Variants in CTNNA3 observed in about 807,000 individuals in gnomAD.
The protein encoded by CTNNA3 is catenin alpha 3.
CTNNA3 carries 76 observed loss-of-function variants against 95.7 expected under a neutral mutation model. The observed-to-expected ratio is 0.79, with a 90% CI of 0.66 to 0.96. CTNNA3 has a LOEUF of 0.96. Ranked by LOEUF, CTNNA3 falls within the 40% of genes least tolerant of loss-of-function variation. The probability of loss-of-function intolerance (pLI) is 0.00; values close to 1 mark genes in which losing one functional copy is unlikely to be tolerated. For synonymous variants in CTNNA3, 431 were observed against 374.4 expected, an observed-to-expected ratio of 1.15 and a Z score of -1.74; for missense variants, 1,191 against 1,089.8, an observed-to-expected ratio of 1.09 and a Z score of -1.31.
chr10:67,109,632 C>G (rs911171687), intron 7 of CTNNA3, among the ~76,000 whole-genome samples: 5 of 151,886 alleles, frequency 3.3e-5, no homozygotes, highest in African/African-American at 1.2e-4. Context: ...ATCACGAGAT[C>G]AAGAGATCTA....
chr10:66,619,576 G>C (rs551656727), intron 10 of CTNNA3, among the ~76,000 whole-genome samples: 4 of 81,674 alleles, frequency 4.9e-5, no homozygotes, highest in Non-Finnish European at 2.3e-5. Flanking sequence ...GTGGGGGGAG[G>C]GGGGAGGGAT....
intron 3 of CTNNA3, among the ~76,000 whole-genome samples, chr10:67,576,009 G>C (rs1842130970): frequency 6.6e-6 from 1 of 152,184 alleles, no homozygotes; most frequent in African/African-American, 2.4e-5. Flanking sequence ...ATGGTAAATA[G>C]TTCACCTGAA....
intron 3 of CTNNA3, among the ~76,000 whole-genome samples, chr10:67,586,310 A>C (rs889934379): frequency 6.6e-6 from 1 of 152,048 alleles, no homozygotes; most frequent in Non-Finnish European, 1.5e-5. Flanking sequence ...TGTTGGGTAG[A>C]GTGTTCTGTA....
chr10:66,694,447 C>T (rs549020836), intron 9 of CTNNA3, among the ~76,000 whole-genome samples: 73 of 152,216 alleles, frequency 4.8e-4, no homozygotes, highest in African/African-American at 1.6e-3. Context: ...CAATAACAGG[C>T]TCTGAAATTG....
chr10:66,402,957 C>A (rs544064805), intron 11 of CTNNA3, among the ~76,000 whole-genome samples: 2 of 152,030 alleles, frequency 1.3e-5, no homozygotes, highest in African/African-American at 4.8e-5. Flanking sequence ...AAAGTCACTC[C>A]CCCTACCTAG....
At chr10:67,258,184 C>G (rs944001041) in intron 5 of CTNNA3, among the ~76,000 whole-genome samples, 1 of 152,162 alleles carries the variant, frequency 6.6e-6, no homozygotes, top group East Asian at 1.9e-4. Flanking sequence ...CACTCTGTTG[C>G]CCAGGCTGGA....
At chr10:67,258,891 T>C (rs1866466290) in intron 5 of CTNNA3, among the ~76,000 whole-genome samples, 1 of 152,188 alleles carries the variant, frequency 6.6e-6, no homozygotes, top group Non-Finnish European at 1.5e-5. Context: ...TCTCAGATGC[T>C]CAAGTCTCTT....
intron 1 of CTNNA3, among the ~76,000 whole-genome samples, chr10:67,730,108 C>T (rs1488579120): frequency 2.6e-5 from 4 of 152,120 alleles, no homozygotes; most frequent in Admixed American, 2.0e-4. Context: ...TTTACACTCC[C>T]TTCTCTTGTG....
intron 7 of CTNNA3, among the ~76,000 whole-genome samples, chr10:66,974,022 A>T (rs556964961): frequency 4.5e-4 from 68 of 152,306 alleles, no homozygotes; most frequent in African/African-American, 1.6e-3. Flanking sequence ...ACACCAGTGT[A>T]ACCACCACAC....
At chr10:66,506,664 T>C (rs1338184576) in intron 11 of CTNNA3, among the ~76,000 whole-genome samples, 2 of 152,160 alleles carry the variant, frequency 1.3e-5, no homozygotes, top group African/African-American at 4.8e-5. Flanking sequence ...GTATTTTTCT[T>C]CATTGTATTT....
intron 10 of CTNNA3, among the ~76,000 whole-genome samples, chr10:66,559,975 C>T (rs1842503629): frequency 6.6e-6 from 1 of 152,016 alleles, no homozygotes; most frequent in East Asian, 1.9e-4. Flanking sequence ...TAATCTGACG[C>T]TCAACACACA....
chr10:67,420,177 A>C (rs933829851), intron 5 of CTNNA3, among the ~76,000 whole-genome samples: 6 of 152,210 alleles, frequency 3.9e-5, no homozygotes, highest in Non-Finnish European at 7.3e-5. Flanking sequence ...ATTTTTACTA[A>C]TGAAAAAAAC....
At chr10:66,861,418 C>T (rs1338238710) in intron 7 of CTNNA3, among the ~76,000 whole-genome samples, 4 of 152,050 alleles carry the variant, frequency 2.6e-5, no homozygotes, top group South Asian at 2.1e-4. Flanking sequence ...AAACTGTCCC[C>T]GTATGAATGA....
At chr10:66,142,029 A>G (rs1201315905) in intron 13 of CTNNA3, among the ~76,000 whole-genome samples, 1 of 152,172 alleles carries the variant, frequency 6.6e-6, no homozygotes, top group African/African-American at 2.4e-5. Context: ...CAGCTTATCA[A>G]TGCTTTCTTT....
intron 9 of CTNNA3, among the ~76,000 whole-genome samples, chr10:66,735,711 C>T (rs954039012): frequency 3.3e-5 from 5 of 151,988 alleles, no homozygotes; most frequent in African/African-American, 4.8e-5. Context: ...GTCTTTCCTC[C>T]ATTTTCTTCT....
At chr10:66,178,735 G>A (rs1483214680) in intron 13 of CTNNA3, among the ~76,000 whole-genome samples, 2 of 151,336 alleles carry the variant, frequency 1.3e-5, no homozygotes, top group African/African-American at 4.8e-5. Flanking sequence ...AAATCCAGTT[G>A]GAAAATGGAT....
chr10:67,024,654 AG>A (rs1269765826), intron 7 of CTNNA3, among the ~76,000 whole-genome samples: 1 of 152,220 alleles, frequency 6.6e-6, no homozygotes, highest in African/African-American at 2.4e-5. Flanking sequence ...AACCAGCAAA[AG>A]TTACCTTAGA....
intron 7 of CTNNA3, among the ~76,000 whole-genome samples, chr10:66,778,284 A>G (rs756887177): frequency 1.3e-5 from 2 of 152,128 alleles, no homozygotes; most frequent in Non-Finnish European, 2.9e-5. Context: ...CCTTTTGCAT[A>G]GCATAAAAAT....
At chr10:67,304,865 C>T (rs1461455468) in intron 5 of CTNNA3, among the ~76,000 whole-genome samples, 1 of 151,858 alleles carries the variant, frequency 6.6e-6, no homozygotes, top group Non-Finnish European at 1.5e-5. Flanking sequence ...CTGGAGGAGA[C>T]ATCCCAGAAC....
Sources: gnomAD v4.1 joint callset for allele counts (sites outside exome capture counted in the v4.1 genomes callset) on GRCh38, gnomAD v4.1.1 for gene constraint, MANE v1.5 for transcripts, NCBI Gene and HGNC (gene_info 2026-07-23, HGNC 2026-07-21) for gene names.